CRPPA: variants seen among roughly 807,000 people sequenced by gnomAD.
CRPPA encodes D-ribitol-5-phosphate cytidylyltransferase.
In CRPPA, 43 loss-of-function variants were observed where a neutral mutation model predicts 52.0. That is an observed-to-expected ratio of 0.83 (90% confidence interval 0.65 to 1.07). CRPPA has a LOEUF of 1.07. Ranked by LOEUF, CRPPA falls within the 50% of genes least tolerant of loss-of-function variation. The pLI is 0.00. For missense variants in CRPPA, 629 were observed against 551.7 expected (o/e 1.14, Z -1.40); for synonymous variants, 250 against 203.5 (o/e 1.23, Z -1.94).
At chr7:16,126,664 T>C (rs908671561) in intron 9 of CRPPA, among the ~76,000 whole-genome samples, 1 of 152,076 alleles carries the variant, frequency 6.6e-6, no homozygotes, top group Non-Finnish European at 1.5e-5. Context: ...ACTGAAAAAC[T>C]CAATAGAAGA....
chr7:16,166,085 T>C (rs1781058305), intron 9 of CRPPA, among the ~76,000 whole-genome samples: 1 of 152,212 alleles, frequency 6.6e-6, no homozygotes, highest in African/African-American at 2.4e-5. Flanking sequence ...TATAACACCA[T>C]TGTTGGTACA....
At chr7:16,397,076 CAT>C (rs1344511269) in intron 2 of CRPPA, among the ~76,000 whole-genome samples, 6 of 152,180 alleles carry the variant, frequency 3.9e-5, no homozygotes, top group East Asian at 3.8e-4. Context: ...GGAGAAAACA[CAT>C]GACATGGAAG....
intron 9 of CRPPA, among the ~76,000 whole-genome samples, chr7:16,205,911 G>T (rs1304001905): frequency 6.6e-6 from 1 of 151,946 alleles, no homozygotes; most frequent in Non-Finnish European, 1.5e-5. Context: ...GGTGAATATG[G>T]CACAATTAAA....
chr7:16,158,244 G>A (rs1230480659), intron 9 of CRPPA, among the ~76,000 whole-genome samples: 1 of 151,782 alleles, frequency 6.6e-6, no homozygotes, highest in African/African-American at 2.4e-5. Context: ...ATATTATGAG[G>A]CCTTCTCTAA....
chr7:16,202,502 C>G (rs547820571), intron 9 of CRPPA, among the ~76,000 whole-genome samples: 49 of 152,288 alleles, frequency 3.2e-4, no homozygotes, highest in Non-Finnish European at 4.3e-4. Flanking sequence ...CATTCCAGTT[C>G]TAGAAATAAA....
At chr7:16,401,373 T>A (rs1787814026) in intron 2 of CRPPA, among the ~76,000 whole-genome samples, 1 of 152,192 alleles carries the variant, frequency 6.6e-6, no homozygotes, top group Non-Finnish European at 1.5e-5. Context: ...TTGGAAAGAA[T>A]GGTCAGAGGA....
At chr7:16,172,151 G>A (rs988081682) in intron 9 of CRPPA, among the ~76,000 whole-genome samples, 56 of 152,220 alleles carry the variant, frequency 3.7e-4, no homozygotes, top group East Asian at 5.8e-4. Flanking sequence ...ATTCTTTCCC[G>A]ATTACTTGCC....
At chr7:16,308,406 A>G in intron 4 of CRPPA, 117 bp downstream of exon 4, 1 of 637,306 alleles carries the variant, frequency 1.6e-6, no homozygotes, top group East Asian at 2.7e-5. Context: ...TTGATGGTTC[A>G]GTAAACCCGT....
At chr7:16,306,233 G>A (rs1230119109) in intron 4 of CRPPA, among the ~76,000 whole-genome samples, 1 of 152,166 alleles carries the variant, frequency 6.6e-6, no homozygotes, top group Non-Finnish European at 1.5e-5. Context: ...CAGGTGCCAC[G>A]GATTAGGACT....
intron 3 of CRPPA, among the ~76,000 whole-genome samples, chr7:16,363,764 GT>G (rs902464877): frequency 6.6e-6 from 1 of 152,144 alleles, no homozygotes; most frequent in Non-Finnish European, 1.5e-5. Flanking sequence ...ATAAGGACCA[GT>G]GGGGAAAAAA....
intron 9 of CRPPA, among the ~76,000 whole-genome samples, chr7:16,113,787 T>C (rs1782314007): frequency 1.3e-5 from 2 of 151,910 alleles, no homozygotes; most frequent in Non-Finnish European, 1.5e-5. Flanking sequence ...AAATAAAATA[T>C]GAAAGTATAT....
At chr7:16,286,097 A>T (rs913708809) in intron 5 of CRPPA, among the ~76,000 whole-genome samples, 2,566 of 38,994 alleles carry the variant, frequency 0.066, 367 homozygotes, top group African/African-American at 0.078. Flanking sequence ...TAAAAAAAAA[A>T]ATATATATAT....
At chr7:16,286,068 T>TA (rs1784434433) in intron 5 of CRPPA, among the ~76,000 whole-genome samples, 3 of 24,060 alleles carry the variant, frequency 1.2e-4, no homozygotes, top group African/African-American at 2.6e-4. Context: ...TATATATATA[T>TA]ATATATATAT....
At chr7:16,333,637 A>T (rs1785610464) in intron 3 of CRPPA, among the ~76,000 whole-genome samples, 1 of 152,232 alleles carries the variant, frequency 6.6e-6, no homozygotes. Context: ...AAAAAGAGTC[A>T]ATTAATTCAA....
intron 2 of CRPPA, among the ~76,000 whole-genome samples, chr7:16,403,407 G>C (rs1218590689): frequency 6.6e-6 from 1 of 151,958 alleles, no homozygotes; most frequent in African/African-American, 2.4e-5. Flanking sequence ...TTTTAATTAA[G>C]CAAAATGGAA....
intron 4 of CRPPA, among the ~76,000 whole-genome samples, chr7:16,305,165 T>C (rs1424410291): frequency 6.6e-6 from 1 of 152,096 alleles, no homozygotes; most frequent in Non-Finnish European, 1.5e-5. Context: ...CAAAAGGGGT[T>C]AAATAATTAG....
intron 8 of CRPPA, among the ~76,000 whole-genome samples, chr7:16,246,964 C>A (rs1783292049): frequency 6.6e-6 from 1 of 152,238 alleles, no homozygotes; most frequent in Non-Finnish European, 1.5e-5. Context: ...TGAAGCTAGG[C>A]ATTGACTTCT....
At chr7:16,411,688 G>A (rs2128319357) in intron 1 of CRPPA, among the ~76,000 whole-genome samples, 1 of 151,888 alleles carries the variant, frequency 6.6e-6, no homozygotes, top group South Asian at 2.1e-4. Flanking sequence ...GAATAATTAG[G>A]CATAAAAACT....
At chr7:16,206,921 T>G (rs1781988010) in intron 9 of CRPPA, among the ~76,000 whole-genome samples, 1 of 152,112 alleles carries the variant, frequency 6.6e-6, no homozygotes, top group African/African-American at 2.4e-5. Context: ...TTAATTAAAG[T>G]ATACTTCCTT....
Sources: allele counts gnomAD v4.1 joint callset (sites outside exome capture counted in the v4.1 genomes callset), GRCh38; gene constraint gnomAD v4.1.1; transcripts MANE v1.5; gene names NCBI Gene and HGNC (gene_info 2026-07-23, HGNC 2026-07-21).